Variants in ZMYND15 observed in about 807,000 individuals in gnomAD.
ZMYND15 encodes zinc finger MYND-type containing 15.
ZMYND15 carries 54 observed loss-of-function variants against 81.7 expected under a neutral mutation model. The observed-to-expected ratio is 0.66, with a 90% CI of 0.53 to 0.83. ZMYND15 has a LOEUF of 0.83. Among genes scored for constraint, ZMYND15 ranks in the 40% least tolerant of loss-of-function variants. The pLI, the probability that ZMYND15 is intolerant of heterozygous loss-of-function variation, is 0.00. For synonymous variants in ZMYND15, 399 were observed against 387.0 expected (o/e 1.03, Z -0.36); for missense variants, 925 against 973.5 (o/e 0.95, Z 0.66).
Position 4,745,355 on chromosome 17 carries a change from G to C in ZMYND15, c.2037G>C (p.Ala679=), listed in dbSNP as rs748144851. 2 of 1,607,106 alleles carry C rather than the reference G, an allele frequency of 1.2e-6. No homozygotes were observed. Among genetic ancestry groups the C allele is most frequent in the Non-Finnish European group, 1.7e-6 (2 of 1,177,168 alleles). The change falls in exon 13 of 14, where the codon GCG becomes GCC. Residue 679 remains alanine, a synonymous_variant. Coordinates refer to ENST00000433935, the MANE Select transcript of ZMYND15 (RefSeq NM_001136046.3). The surrounding 1 kb of genome is among the most constrained non-coding windows in gnomAD (Gnocchi z 5.2). ...TCCGCTCCCCCTTTCGCCTCAGAGC[G>C]GCCGACAACTGCATGTCCTGGTAAG... ...NPFRSPFRLR[A]ADNCMSWYCN...
intron 1 of ZMYND15, chr17:4,740,293 T>C (rs1916331615): frequency 4.0e-6 from 3 of 750,528 alleles, no homozygotes; most frequent in Non-Finnish European, 5.6e-6. Context: ...ATCTCATCCC[T>C]GAGTAGTCTT....
rs777116630 is a variant in ZMYND15, at chr17:4,744,407, G to A, written c.1623G>A (p.Leu541=). 1.2e-6 allele frequency: 2 copies of A among 1,614,000 alleles called. No homozygotes were observed. Among genetic ancestry groups the A allele is most frequent in the Admixed American group, 1.7e-5 (1 of 59,982 alleles). Residue 541 remains leucine, a synonymous_variant, in exon 10 of 14, where the codon CTG becomes CTA. Coordinates refer to ENST00000433935, the MANE Select transcript of ZMYND15 (RefSeq NM_001136046.3). This position sits in a 1 kb window ranked among gnomAD's most constrained non-coding sequence, Gnocchi z 4.1. ...TGCTCCCCCATGTGGCCCTGGAGCT[G>A]CAGTTTGTAGGTGATGGCCTGCCCC... ...LVLLPHVALE[L]QFVGDGLPPE...
Position 4,744,761 on chromosome 17 carries a change from A to G in ZMYND15, c.1820A>G (p.Lys607Arg). The G allele has an allele frequency of 6.2e-7, 1 of 1,614,164 alleles. No individual in the cohort carries two copies. Among genetic ancestry groups the G allele is most frequent in the Non-Finnish European group, 8.5e-7 (1 of 1,180,014 alleles). The change falls in exon 11 of 14, where the codon AAG becomes AGG. Residue 607 changes from lysine to arginine, a missense_variant. Physicochemically the swap from Lys to Arg is conservative, Grantham distance 26 (BLOSUM62 2). Coordinates refer to ENST00000433935, the MANE Select transcript of ZMYND15 (RefSeq NM_001136046.3). This position sits in a 1 kb window ranked among gnomAD's most constrained non-coding sequence, Gnocchi z 4.1. ...ARPYHLFQGPKPDLVIGFNSG... is the reference protein window; with the variant it reads ...ARPYHLFQGPRPDLVIGFNSG... ...CCCTACCACCTGTTCCAGGGGCCCAAGCCTGACCTGGTTATTGGTAAAAGC... is the reference window on the plus strand; with the variant it reads ...CCCTACCACCTGTTCCAGGGGCCCAGGCCTGACCTGGTTATTGGTAAAAGC...
In ZMYND15 at chr17:4,740,840, C is replaced by T. The variant is rs767137439; in HGVS notation, c.292C>T (p.Arg98Ter). The change falls in exon 2 of 14, where the codon CGA becomes TGA. Residue 98 changes from arginine to a stop codon, truncating the protein, a stop_gained. Transcript: ENST00000433935. LOFTEE classifies it high-confidence loss of function. ...LLGDNPPLHL[R>*]DLSPYISFVS... ...GGGAGACAACCCTCCACTCCACCTG[C>T]GAGACCTGAGCCCCTACATCAGCTT... 90 of 1,578,648 alleles carry T rather than the reference C, an allele frequency of 5.7e-5. 1 individual carries two copies. The highest frequency in any genetic ancestry group is 1.7e-4 in the Middle Eastern group (1 of 5,882).
chr17:4,744,602 AC>A lies in ZMYND15; in HGVS notation c.1684-19del, dbSNP rs1215847211. 3 of 1,601,760 alleles carry A rather than the reference AC, an allele frequency of 1.9e-6. No individual in the cohort carries two copies. Among genetic ancestry groups the A allele is most frequent in the Non-Finnish European group, 2.6e-6 (3 of 1,174,708 alleles). On this transcript the variant is annotated intron_variant, in intron 10 of 13. Coordinates refer to ENST00000433935, the MANE Select transcript of ZMYND15 (RefSeq NM_001136046.3). This position sits in a 1 kb window ranked among gnomAD's most constrained non-coding sequence, Gnocchi z 4.1. ...TTCCCTGACTTCCAGTGGCTTTTCC[AC>A]CCCACTCCTGGGGCCCCTCAGGACA...
In ZMYND15 at chr17:4,739,931, G is replaced by A. The variant is rs1916305412; in HGVS notation, c.-150G>A. On this transcript the variant is annotated 5_prime_UTR_variant, in exon 1 of 14. Transcript: ENST00000433935. The surrounding 1 kb of genome is among the most constrained non-coding windows in gnomAD (Gnocchi z 5.3). ...GGGCAGCCACCCGCGGACGCACCGA[G>A]CCCGGGGGGCGTGGCCGCCCGCTGA... is the stretch of plus-strand genomic sequence containing the variant. 1.0e-6 allele frequency: 1 copy of A among 985,174 alleles called. No individual in the cohort carries two copies. The highest frequency in any genetic ancestry group is 1.1e-4 in the East Asian group (1 of 8,812). 61.0% of individuals were successfully genotyped at this position (985,174 alleles called of 1,614,324 possible).
At position 4,740,959 on chromosome 17, in the gene ZMYND15, G is replaced by A; in HGVS notation, c.411G>A (p.Glu137=). The A allele has an allele frequency of 6.4e-7, 1 of 1,573,244 alleles. No individual in the cohort carries two copies. Residue 137 remains glutamate, a synonymous_variant, in exon 2 of 14, where the codon GAG becomes GAA. Coordinates refer to ENST00000433935, the MANE Select transcript of ZMYND15 (RefSeq NM_001136046.3). ...AGGACGGGGGTGCAGGCAGCACAGA[G>A]AAGGTGGAACCAGAGGAGGACCGGG... ...KREDGGAGST[E]KVEPEEDREL...
rs73973614 is a variant in ZMYND15, at chr17:4,743,477, A to G, written c.1297+22A>G. The stretch of plus-strand genomic sequence containing the variant: ...GGTGGTGCGTGGGGTCTCTCCAGGC[A>G]TGGGCCCCTTGGCCTAGAGGGAAGG... On this transcript the variant is annotated intron_variant, in intron 6 of 13. Coordinates refer to ENST00000433935, the MANE Select transcript of ZMYND15 (RefSeq NM_001136046.3). This position sits in a 1 kb window ranked among gnomAD's most constrained non-coding sequence, Gnocchi z 4.3. 26,818 of 1,612,962 alleles carry G rather than the reference A, an allele frequency of 0.017. 3,638 individuals carry two copies. In the African/African-American group the frequency reaches 0.3, roughly 18 times the overall value.
In ZMYND15 at chr17:4,746,086, A is replaced by G. The variant is rs978058696; in HGVS notation, c.*96A>G. Reference sequence around the variant, plus strand: ...GGGAGGACAGGTTGGTAAAACATGAAAAGGTAAATAAAATTACTTGTTTGA... The same window carrying G: ...GGGAGGACAGGTTGGTAAAACATGAGAAGGTAAATAAAATTACTTGTTTGA... On this transcript the variant is annotated 3_prime_UTR_variant, in exon 14 of 14. Coordinates refer to ENST00000433935, the MANE Select transcript of ZMYND15 (RefSeq NM_001136046.3). The G allele has an allele frequency of 8.1e-7, 1 of 1,233,794 alleles. No homozygotes were observed. The highest frequency in any genetic ancestry group is 1.6e-5 in the African/African-American group (1 of 62,916). 76.4% of individuals were successfully genotyped at this position (1,233,794 alleles called of 1,614,324 possible). A position where few individuals can be genotyped will look rare whatever the true frequency, so the allele number is the denominator to read the frequency against.
At position 4,743,635 on chromosome 17, in the gene ZMYND15, C is replaced by G. The variant is rs531090665; in HGVS notation, c.1298-132C>G. 5 of 1,273,090 alleles carry G rather than the reference C, an allele frequency of 3.9e-6. No homozygotes were observed. The East Asian group carries it at 9.8e-5, about 25-fold the overall frequency. The allele number at this position is 1,273,090 out of a possible 1,614,324, so 78.9% of individuals were successfully genotyped here. ...CCCCTACCAACTCCACCCAGAAACC[C>G]CATCCCTATGCAAACCCCCATTCCT... On this transcript the variant is annotated intron_variant, in intron 6 of 13. Coordinates refer to ENST00000433935, the MANE Select transcript of ZMYND15 (RefSeq NM_001136046.3). The surrounding 1 kb of genome is among the most constrained non-coding windows in gnomAD (Gnocchi z 4.3).
Position 4,745,188 on chromosome 17 carries a change from C to T in ZMYND15, c.1897-27C>T, listed in dbSNP as rs1350637459. The T allele has an allele frequency of 3.1e-6, 5 of 1,613,934 alleles. No individual in the cohort carries two copies. Among genetic ancestry groups the T allele is most frequent in the Non-Finnish European group, 8.5e-7 (1 of 1,179,936 alleles). On this transcript the variant is annotated intron_variant, in intron 12 of 13. Transcript: ENST00000433935. The surrounding 1 kb of genome is among the most constrained non-coding windows in gnomAD (Gnocchi z 5.2). ...CTGGGATGGATTTGGGGAGGGGCCT[C>T]TCAGAGCGACTCTCGCTCCACCCCA...
chr17:4,745,413 A>G lies in ZMYND15; in HGVS notation c.2057+38A>G, dbSNP rs1418760800. The stretch of plus-strand genomic sequence containing the variant: ...GACCCTATTTCCTTCCTGACCCTTA[A>G]CTTCTCTTACTCTCTGGCTCCACAT... On this transcript the variant is annotated intron_variant, in intron 13 of 13. Coordinates refer to ENST00000433935, the MANE Select transcript of ZMYND15 (RefSeq NM_001136046.3). The surrounding 1 kb of genome is among the most constrained non-coding windows in gnomAD (Gnocchi z 5.2). 6.4e-7 allele frequency: 1 copy of G among 1,555,568 alleles called. No homozygotes were observed. Among genetic ancestry groups the G allele is most frequent in the Non-Finnish European group, 8.7e-7 (1 of 1,152,492 alleles).
chr17:4,744,017 C>T lies in ZMYND15; in HGVS notation c.1405C>T (p.Arg469Trp). Residue 469 changes from arginine to tryptophan, a missense_variant, in exon 8 of 14, where the codon CGG (arginine) becomes TGG (tryptophan). By Grantham distance (101) the Arg-to-Trp change is moderately radical. Coordinates refer to ENST00000433935, the MANE Select transcript of ZMYND15 (RefSeq NM_001136046.3). The surrounding 1 kb of genome is among the most constrained non-coding windows in gnomAD (Gnocchi z 4.1). Reference sequence around the variant, plus strand: ...CTCATGGCAGGATTACTACACATGGCGGGGCCTCAGCTTGGACTCCCCCAT... The same window carrying T: ...CTCATGGCAGGATTACTACACATGGTGGGGCCTCAGCTTGGACTCCCCCAT... Reference protein sequence around the residue: ...FGSWQDYYTWRGLSLDSPIAV... With the variant: ...FGSWQDYYTWWGLSLDSPIAV... The T allele has an allele frequency of 6.4e-7, 1 of 1,553,050 alleles. No individual in the cohort carries two copies. The highest frequency in any genetic ancestry group is 8.7e-7 in the Non-Finnish European group (1 of 1,147,480).
rs142067676 is a variant in ZMYND15 at position 4,743,452 on chromosome 17, G to C, written c.1294G>C (p.Gly432Arg). Residue 432 changes from glycine to arginine, a missense_variant, in exon 6 of 14, where the codon GGT becomes CGT. Gly to Arg is a moderately radical substitution (Grantham distance 125). Coordinates refer to ENST00000433935, the MANE Select transcript of ZMYND15 (RefSeq NM_001136046.3). This position sits in a 1 kb window ranked among gnomAD's most constrained non-coding sequence, Gnocchi z 4.3. ...CACGCCATCCCTCAGCCTTCTTCGC[G>C]GTGGTGCGTGGGGTCTCTCCAGGCA... The part of the protein sequence containing the change: ...GNTPSLSLLR[G>R]GDPYQLLQGD... 1.9e-6 allele frequency: 3 copies of C among 1,613,974 alleles called. No homozygotes were observed. The highest frequency in any genetic ancestry group is 1.1e-5 in the South Asian group (1 of 91,072).
In ZMYND15 at chr17:4,740,047, G is replaced by C. The variant is rs1392619458; in HGVS notation, c.-34G>C. ...TTACCTTCGAAAAGTGGTGGCGGCT[G>C]CAGGTACCGGAGGAGTGGGGCGGCC... is the stretch of plus-strand genomic sequence containing the variant. On this transcript the variant is annotated 5_prime_UTR_variant, in exon 1 of 14. Coordinates refer to ENST00000433935, the MANE Select transcript of ZMYND15 (RefSeq NM_001136046.3). The C allele has an allele frequency of 2.0e-6, 2 of 985,676 alleles. No homozygotes were observed. Among genetic ancestry groups the C allele is most frequent in the African/African-American group, 3.5e-5 (2 of 57,236 alleles). The allele number at this position is 985,676 out of a possible 1,614,324, so 61.1% of individuals were successfully genotyped here.
Position 4,741,088 on chromosome 17 carries a change from G to C in ZMYND15, c.540G>C (p.Glu180Asp). 1 of 1,538,236 alleles carries C rather than the reference G, an allele frequency of 6.5e-7. No homozygotes were observed. Among genetic ancestry groups the C allele is most frequent in the South Asian group, 1.2e-5 (1 of 82,180 alleles). Reference protein sequence around the residue: ...EAGGGKDGCREDRVENETRPQ... With the variant: ...EAGGGKDGCRDDRVENETRPQ... ...GAGGTGGCAAGGATGGCTGCCGAGA[G>C]GACAGGGTGGAGAACGAAACAAGAC... is the stretch of plus-strand genomic sequence containing the variant. The change falls in exon 2 of 14, where the codon GAG becomes GAC. Residue 180 changes from glutamate to aspartate, a missense_variant. Coordinates refer to ENST00000433935, the MANE Select transcript of ZMYND15 (RefSeq NM_001136046.3).
Position 4,743,773 on chromosome 17 carries a change from C to T in ZMYND15, c.1304C>T (p.Pro435Leu). 1 of 1,613,864 alleles carries T rather than the reference C, an allele frequency of 6.2e-7. No individual in the cohort carries two copies. The highest frequency in any genetic ancestry group is 8.5e-7 in the Non-Finnish European group (1 of 1,179,942). ...PSLSLLRGGD[P>L]YQLLQGDGTA... is the part of the protein sequence containing the mutation. ...CCTTCTTTCATCCTCTCAGGAGACC[C>T]CTACCAGCTTCTCCAGGGAGACGGG... The change falls in exon 7 of 14, where the codon CCC (proline) becomes CTC (leucine). Residue 435 changes from proline to leucine, a missense_variant. Pro to Leu is a moderately conservative substitution (Grantham distance 98). Transcript: ENST00000433935. The surrounding 1 kb of genome is among the most constrained non-coding windows in gnomAD (Gnocchi z 4.3).
Position 4,745,176 on chromosome 17 carries a change from G to A in ZMYND15, c.1897-39G>A. The A allele has an allele frequency of 1.2e-6, 2 of 1,613,520 alleles. No homozygotes were observed. Among genetic ancestry groups the A allele is most frequent in the Non-Finnish European group, 1.7e-6 (2 of 1,179,766 alleles). On this transcript the variant is annotated intron_variant, in intron 12 of 13. Coordinates refer to ENST00000433935, the MANE Select transcript of ZMYND15 (RefSeq NM_001136046.3). This position sits in a 1 kb window ranked among gnomAD's most constrained non-coding sequence, Gnocchi z 5.2. ...TCATTCTGGCTGCTGGGATGGATTTGGGGAGGGGCCTCTCAGAGCGACTCT... is the reference window on the plus strand; with the variant it reads ...TCATTCTGGCTGCTGGGATGGATTTAGGGAGGGGCCTCTCAGAGCGACTCT...
Position 4,743,686 on chromosome 17 carries a change from C to T in ZMYND15, c.1298-81C>T. ...CTTACTGCGGCTGTCTCAGGGAATA[C>T]AGCCCCTTTGGAAGGAAGAAAGAGA... On this transcript the variant is annotated intron_variant, in intron 6 of 13. Coordinates refer to ENST00000433935, the MANE Select transcript of ZMYND15 (RefSeq NM_001136046.3). The surrounding 1 kb of genome is among the most constrained non-coding windows in gnomAD (Gnocchi z 4.3). 1 of 1,435,650 alleles carries T rather than the reference C, an allele frequency of 7.0e-7. No homozygotes were observed. The highest frequency in any genetic ancestry group is 9.5e-7 in the Non-Finnish European group (1 of 1,053,348). The allele number at this position is 1,435,650 out of a possible 1,614,324, so 88.9% of individuals were successfully genotyped here.
Sources: gnomAD v4.1 joint callset for allele counts on GRCh38, gnomAD v4.1.1 for gene constraint, Gnocchi (gnomAD v3.1) non-coding constraint, MANE v1.5 for transcripts, NCBI Gene and HGNC (gene_info 2026-07-23, HGNC 2026-07-21) for gene names.